The following ADGRL4 variants were observed in gnomAD, a reference collection of about 807,000 sequenced individuals.
ADGRL4 encodes the protein EGF, latrophilin and seven transmembrane domain containing 1.
ADGRL4 carries 90 observed loss-of-function variants against 74.8 expected under a neutral mutation model. That is an observed-to-expected ratio of 1.20 (90% CI 1.02 to 1.43). The LOEUF (loss-of-function observed/expected upper bound fraction) is 1.43. Among genes scored for constraint, ADGRL4 ranks in the 40% most tolerant of loss-of-function variants. The pLI is 0.00. For missense variants in ADGRL4, 881 were observed against 814.3 expected (o/e 1.08, Z -1.00); for synonymous variants, 311 against 279.2 (o/e 1.11, Z -1.14).
chr1:78,922,224 G>A (rs1181234790), intron 8 of ADGRL4, among the ~76,000 whole-genome samples: 1 of 152,034 alleles, frequency 6.6e-6, no homozygotes, highest in African/African-American at 2.4e-5. Flanking sequence ...TGGGTAAGAA[G>A]AAAGAAAGTG....
intron 12 of ADGRL4, among the ~76,000 whole-genome samples, chr1:78,896,586 C>T (rs1648404041): frequency 6.6e-6 from 1 of 152,082 alleles, no homozygotes; most frequent in Admixed American, 6.6e-5. Flanking sequence ...TTACCATTTC[C>T]ACAGACACTA....
chr1:78,952,585 A>C (rs1233278806), intron 2 of ADGRL4, among the ~76,000 whole-genome samples: 1 of 152,156 alleles, frequency 6.6e-6, no homozygotes, highest in Non-Finnish European at 1.5e-5. Context: ...CAATGAATCC[A>C]GAATGGATTC....
intron 13 of ADGRL4, 64 bp downstream of exon 13, chr1:78,893,034 T>C: frequency 1.1e-6 from 1 of 872,308 alleles, no homozygotes; most frequent in Non-Finnish European, 1.8e-6. Flanking sequence ...ATTTGTACTT[T>C]GAGTTACTAA....
At chr1:78,975,782 T>C (rs1157537926) in intron 2 of ADGRL4, among the ~76,000 whole-genome samples, 1 of 151,860 alleles carries the variant, frequency 6.6e-6, no homozygotes, top group Non-Finnish European at 1.5e-5. Flanking sequence ...ACCTAGTATT[T>C]AGAATAAAAG....
intron 3 of ADGRL4, among the ~76,000 whole-genome samples, chr1:78,940,983 G>T (rs1649463756): frequency 6.6e-6 from 1 of 152,112 alleles, no homozygotes; most frequent in South Asian, 2.1e-4. Context: ...AGGCCTAAAA[G>T]GTTAGAACAG....
intron 9 of ADGRL4, among the ~76,000 whole-genome samples, chr1:78,921,396 T>TA (rs1035010707): frequency 2.0e-5 from 3 of 149,370 alleles, no homozygotes; most frequent in African/African-American, 7.4e-5. Context: ...AGATAAGTCT[T>TA]AGACTAGAAA....
intron 12 of ADGRL4, among the ~76,000 whole-genome samples, chr1:78,896,928 C>A (rs961585436): frequency 1.3e-5 from 2 of 152,174 alleles, no homozygotes; most frequent in Non-Finnish European, 2.9e-5. Flanking sequence ...GTACCCCATG[C>A]ACCATGCCAT....
At chr1:78,891,757 C>T in intron 13 of ADGRL4, 65 bp from the exon 14 acceptor site, 1 of 1,412,698 alleles carries the variant, frequency 7.1e-7, no homozygotes, top group Non-Finnish European at 9.6e-7. Flanking sequence ...TCCCAAATTA[C>T]TCAAATTATG....
chr1:78,988,698 C>T (rs11584172), intron 2 of ADGRL4, among the ~76,000 whole-genome samples: 13,810 of 151,648 alleles, frequency 0.091, 882 homozygotes, highest in East Asian at 0.35. Context: ...CATTGAAAAT[C>T]CTAAGTGATG....
intron 2 of ADGRL4, among the ~76,000 whole-genome samples, chr1:78,977,282 A>T (rs1478656990): frequency 6.6e-6 from 1 of 151,872 alleles, no homozygotes; most frequent in Non-Finnish European, 1.5e-5. Flanking sequence ...ACCAAAGGAC[A>T]TCCATCAAAA....
intron 2 of ADGRL4, among the ~76,000 whole-genome samples, chr1:78,966,728 A>G (rs1343427191): frequency 6.6e-6 from 1 of 152,114 alleles, no homozygotes; most frequent in Non-Finnish European, 1.5e-5. Flanking sequence ...ACTCCATCGG[A>G]CAGTAATTAA....
At chr1:78,900,651 G>C (rs1383623387) in intron 12 of ADGRL4, among the ~76,000 whole-genome samples, 1 of 151,988 alleles carries the variant, frequency 6.6e-6, no homozygotes, top group East Asian at 1.9e-4. Flanking sequence ...GTTTGAAAGG[G>C]TGTCGCACCT....
At chr1:78,975,308 T>C (rs1209438364) in intron 2 of ADGRL4, among the ~76,000 whole-genome samples, 1 of 152,076 alleles carries the variant, frequency 6.6e-6, no homozygotes, top group East Asian at 1.9e-4. Flanking sequence ...ATGATACTAA[T>C]AATATTATAA....
At chr1:78,929,805 G>A (rs1445374654) in intron 7 of ADGRL4, among the ~76,000 whole-genome samples, 1 of 151,280 alleles carries the variant, frequency 6.6e-6, no homozygotes, top group African/African-American at 2.5e-5. Flanking sequence ...ATATAACAAA[G>A]CTACCGTACA....
chr1:78,936,264 T>G (rs753504470), intron 7 of ADGRL4, 31 bp downstream of exon 7: 1 of 1,571,852 alleles, frequency 6.4e-7, no homozygotes, highest in South Asian at 1.2e-5. Flanking sequence ...AATTCATTGA[T>G]ATATTGTCTG....
chr1:78,940,553 A>T (rs1257718659), intron 3 of ADGRL4, among the ~76,000 whole-genome samples: 1 of 152,124 alleles, frequency 6.6e-6, no homozygotes, highest in Non-Finnish European at 1.5e-5. Context: ...CTGCCACTAG[A>T]GAAAAGATTC....
At chr1:78,920,084 C>T in intron 10 of ADGRL4, 99 bp downstream of exon 10, 1 of 867,108 alleles carries the variant, frequency 1.2e-6, no homozygotes, top group Non-Finnish European at 1.7e-6. Flanking sequence ...AACGTCTGCC[C>T]CATTAAACCC....
chr1:78,917,583 C>A (rs1474469521), intron 12 of ADGRL4, 51 bp downstream of exon 12: 4 of 1,269,016 alleles, frequency 3.2e-6, no homozygotes, highest in East Asian at 2.4e-5. Context: ...TTTTAAGCAC[C>A]CTATGATCAT....
intron 14 of ADGRL4, 63 bp downstream of exon 14, chr1:78,891,461 A>G: frequency 2.0e-6 from 3 of 1,505,994 alleles, no homozygotes; most frequent in Non-Finnish European, 2.7e-6. Flanking sequence ...AGAATTTTCT[A>G]TCAATTTGGC....
Sources: gnomAD v4.1 joint callset for allele counts (sites outside exome capture counted in the v4.1 genomes callset) on GRCh38, gnomAD v4.1.1 for gene constraint, MANE v1.5 for transcripts, NCBI Gene and HGNC (gene_info 2026-07-23, HGNC 2026-07-21) for gene names.